The following PADI4 variants were observed in gnomAD, a reference collection of about 807,000 sequenced individuals.
PADI4 encodes peptidyl arginine deiminase 4, also known as protein-arginine deiminase type-4.
A neutral mutation model predicts 75.0 loss-of-function variants in PADI4; 62 were observed. The ratio of observed to expected loss-of-function variants is 0.83; its 90% CI spans 0.67 to 1.02. PADI4 has a LOEUF of 1.02. Among genes scored for constraint, PADI4 ranks in the 50% least tolerant of loss-of-function variants. PADI4 has a pLI of 0.00. For synonymous variants in PADI4, 361 were observed against 348.1 expected (o/e 1.04, Z -0.41); for missense variants, 845 against 850.5 (o/e 0.99, Z 0.08).
chr1:17,351,988 A>T (rs1224452857), intron 10 of PADI4, among the ~76,000 whole-genome samples: 243 of 22,368 alleles, frequency 0.011, 17 homozygotes, highest in Middle Eastern at 0.062. Context: ...ATGGGAGGAG[A>T]GGCAGTCAGG....
At chr1:17,344,894 C>T (rs1374778775) in intron 8 of PADI4, among the ~76,000 whole-genome samples, 1 of 152,226 alleles carries the variant, frequency 6.6e-6, no homozygotes, top group Non-Finnish European at 1.5e-5. Flanking sequence ...ACACAGAGTC[C>T]CTACTGGGAC....
At chr1:17,342,529 G>C in intron 8 of PADI4, 127 bp downstream of exon 8, 2 of 639,802 alleles carry the variant, frequency 3.1e-6, no homozygotes, top group Non-Finnish European at 5.6e-6. Context: ...GCTGCTTGTT[G>C]GGGGCTCTAA....
intron 5 of PADI4, 47 bp downstream of exon 5, chr1:17,338,202 T>C: frequency 1.6e-6 from 2 of 1,218,522 alleles, no homozygotes; most frequent in Admixed American, 1.7e-5. Context: ...TATAAAGCCC[T>C]TTTGCCCACA....
chr1:17,318,433 G>A (rs1056875819), intron 1 of PADI4, among the ~76,000 whole-genome samples: 17 of 152,210 alleles, frequency 1.1e-4, no homozygotes, highest in Admixed American at 1.0e-3. Context: ...GTCATCTGCT[G>A]CAGGCATGTG....
chr1:17,324,994 C>G (rs2074095672), intron 1 of PADI4, among the ~76,000 whole-genome samples: 1 of 152,208 alleles, frequency 6.6e-6, no homozygotes. Flanking sequence ...CATTAAAACC[C>G]CATCTTAAGT....
chr1:17,348,058 TG>T lies in PADI4; in HGVS notation c.1155+14del. On this transcript the variant is annotated intron_variant, in intron 10 of 15. Transcript: ENST00000375448. Reference sequence around the variant, plus strand: ...CATCAAACGCGTGATGGTACCTGCATGGGGTGGGGAGGGGGCACAGCTGCCG... The same window carrying T: ...CATCAAACGCGTGATGGTACCTGCATGGGTGGGGAGGGGGCACAGCTGCCG... 1 of 1,543,084 alleles carries T rather than the reference TG, an allele frequency of 6.5e-7. No individual in the cohort carries two copies. The highest frequency in any genetic ancestry group is 9.0e-7 in the Non-Finnish European group (1 of 1,115,946).
chr1:17,331,614 T>C (rs1258540105), intron 2 of PADI4, among the ~76,000 whole-genome samples: 1 of 129,738 alleles, frequency 7.7e-6, no homozygotes, highest in Non-Finnish European at 1.7e-5. Context: ...GTGTCTGGTA[T>C]AGAAAATCAC....
intron 1 of PADI4, among the ~76,000 whole-genome samples, chr1:17,328,925 T>C (rs2100696586): frequency 6.6e-6 from 1 of 151,408 alleles, no homozygotes; most frequent in East Asian, 1.9e-4. Flanking sequence ...CTTCAGAAAT[T>C]GCCTTGGTGA....
rs140290804 is a variant in PADI4 at position 17,327,172 on chromosome 1, C to T, written c.93-3797C>T. Among the ~76,000 whole-genome samples the T allele has an allele frequency of 7.8e-3, 1,186 of 152,194 alleles. 19 individuals carry two copies. The highest frequency in any genetic ancestry group is 0.027 in the African/African-American group (1,111 of 41,514). Reference sequence around the variant, plus strand: ...AGGCGATCTGCCCACCTTGGCCTCCCAATGTGTTGGTATGAGCCACCATGC... The same window carrying T: ...AGGCGATCTGCCCACCTTGGCCTCCTAATGTGTTGGTATGAGCCACCATGC... On this transcript the variant is annotated intron_variant, in intron 1 of 15. Transcript: ENST00000375448.
At chr1:17,337,404 C>T (rs1298587107) in intron 4 of PADI4, among the ~76,000 whole-genome samples, 1 of 152,138 alleles carries the variant, frequency 6.6e-6, no homozygotes, top group Non-Finnish European at 1.5e-5. Context: ...CCTCAGCCTC[C>T]CAAAGTGCTG....
chr1:17,348,278 T>A, intron 10 of PADI4: 1 of 411,804 alleles, frequency 2.4e-6, no homozygotes, highest in Non-Finnish European at 4.4e-6. Flanking sequence ...GAGCTCAGCT[T>A]GATCTCCAGG....
At chr1:17,331,569 A>G (rs780810780) in intron 2 of PADI4, among the ~76,000 whole-genome samples, 6 of 152,200 alleles carry the variant, frequency 3.9e-5, no homozygotes, top group Non-Finnish European at 8.8e-5. Context: ...GGTAGCCCCA[A>G]GGGATGCTGG....
At chr1:17,357,631 TATTAAA>T (rs1255173837) in intron 13 of PADI4, among the ~76,000 whole-genome samples, 2 of 152,266 alleles carry the variant, frequency 1.3e-5, no homozygotes, top group East Asian at 3.9e-4. Flanking sequence ...GTAAGTGTGC[TATTAAA>T]ATACACTAAA....
chr1:17,346,344 CT>C lies in PADI4; in HGVS notation c.1047+206del, dbSNP rs2074516226. Among the ~76,000 whole-genome samples the C allele has an allele frequency of 6.6e-6, 1 of 152,186 alleles. No homozygotes were observed. Among genetic ancestry groups the C allele is most frequent in the South Asian group, 2.1e-4 (1 of 4,834 alleles). ...TTTGCTGTGGGCCACTGCAGGCCCA[CT>C]GCAGTCACCAAGATGAAGCCACCTT... On this transcript the variant is annotated intron_variant, in intron 9 of 15. Transcript: ENST00000375448. The surrounding 1 kb of genome is among the most constrained non-coding windows in gnomAD (Gnocchi z 4.3).
At chr1:17,327,777 C>T (rs1181669546) in intron 1 of PADI4, among the ~76,000 whole-genome samples, 2 of 151,762 alleles carry the variant, frequency 1.3e-5, no homozygotes, top group Non-Finnish European at 2.9e-5. Context: ...AACTCCTAAC[C>T]TCAAGTGATC....
intron 2 of PADI4, among the ~76,000 whole-genome samples, chr1:17,332,814 G>A (rs72916868): frequency 6.6e-6 from 1 of 152,084 alleles, no homozygotes; most frequent in Admixed American, 6.5e-5. Flanking sequence ...GGCTGGGGAG[G>A]GGGTGGTCGG....
rs745474184 is a variant in PADI4, at chr1:17,356,126, A to G, written c.1454A>G (p.Lys485Arg). The change falls in exon 12 of 16, where the codon AAG becomes AGG. Residue 485 changes from lysine to arginine, a missense_variant and splice_region_variant. Coordinates refer to ENST00000375448, the MANE Select transcript of PADI4 (RefSeq NM_012387.3). This position sits in a 1 kb window ranked among gnomAD's most constrained non-coding sequence, Gnocchi z 4.1. ...AGCTTTGTGCCAGCACCCGACAGGA[A>G]GGTACAGTCTTGGGGGCTGCCTCAG... ...FLSFVPAPDR[K>R]GFRLLLASPR... The G allele has an allele frequency of 4.3e-6, 7 of 1,614,004 alleles. No individual in the cohort carries two copies. In the African/African-American group the frequency reaches 6.7e-5, roughly 15 times the overall value.
At chr1:17,345,332 C>T (rs1311565707) in intron 8 of PADI4, among the ~76,000 whole-genome samples, 3 of 152,152 alleles carry the variant, frequency 2.0e-5, no homozygotes, top group African/African-American at 7.2e-5. Flanking sequence ...AAGGGACTTG[C>T]CCTGTCTCAG....
At chr1:17,345,209 C>T (rs1377626662) in intron 8 of PADI4, among the ~76,000 whole-genome samples, 2 of 152,172 alleles carry the variant, frequency 1.3e-5, no homozygotes, top group South Asian at 2.1e-4. Context: ...CTGTAACCCC[C>T]TTGTTTTGGC....
Sources: gnomAD v4.1 joint callset for allele counts (sites outside exome capture counted in the v4.1 genomes callset) on GRCh38, gnomAD v4.1.1 for gene constraint, Gnocchi (gnomAD v3.1) non-coding constraint, MANE v1.5 for transcripts, NCBI Gene and HGNC (gene_info 2026-07-23, HGNC 2026-07-21) for gene names.